The following TMEM163 variants were observed in gnomAD, a reference collection of about 807,000 sequenced individuals.
TMEM163 encodes transmembrane protein 163.
Under a neutral mutation model 29.3 loss-of-function variants are expected in TMEM163, and 17 were observed. The ratio of observed to expected loss-of-function variants is 0.58; its 90% CI spans 0.40 to 0.87. The LOEUF (loss-of-function observed/expected upper bound fraction) is 0.87, where lower values mean the gene tolerates loss of function less well. Among genes scored for constraint, TMEM163 ranks in the 40% least tolerant of loss-of-function variants. The pLI is 0.00. For missense variants in TMEM163, 303 were observed against 381.5 expected, an observed-to-expected ratio of 0.79 and a Z score of 1.71; for synonymous variants, 157 against 160.6, an observed-to-expected ratio of 0.98 and a Z score of 0.17.
At chr2:134,525,624 G>A (rs962775209) in intron 4 of TMEM163, among the ~76,000 whole-genome samples, 1 of 152,176 alleles carries the variant, frequency 6.6e-6, no homozygotes, top group Non-Finnish European at 1.5e-5. Flanking sequence ...GGGCTAAGGG[G>A]ACAAGTTTAC....
At chr2:134,584,658 C>CAA (rs1306577369) in intron 2 of TMEM163, among the ~76,000 whole-genome samples, 1 of 142,350 alleles carries the variant, frequency 7.0e-6, no homozygotes, top group Non-Finnish European at 1.5e-5. Context: ...AAAAAAAGTA[C>CAA]AAAGGCATGT....
intron 4 of TMEM163, among the ~76,000 whole-genome samples, chr2:134,521,692 G>A (rs1034496891): frequency 1.3e-5 from 2 of 152,192 alleles, no homozygotes; most frequent in Non-Finnish European, 2.9e-5. Context: ...GGCTTGTGAA[G>A]GAGCAATGGT....
At chr2:134,669,447 T>G (rs1195392060) in intron 2 of TMEM163, among the ~76,000 whole-genome samples, 1 of 152,220 alleles carries the variant, frequency 6.6e-6, no homozygotes, top group Admixed American at 6.5e-5. Flanking sequence ...CTAGTACAGA[T>G]TCTCTAACAC....
At chr2:134,707,135 C>T (rs1245549058) in intron 2 of TMEM163, among the ~76,000 whole-genome samples, 1 of 152,228 alleles carries the variant, frequency 6.6e-6, no homozygotes, top group East Asian at 1.9e-4. Context: ...GCCCCTGCAC[C>T]ATTGCCTGCT....
chr2:134,696,000 G>A (rs528575464), intron 2 of TMEM163, among the ~76,000 whole-genome samples: 21 of 149,660 alleles, frequency 1.4e-4, no homozygotes, highest in Non-Finnish European at 2.7e-4. Context: ...GCAGCAAGTC[G>A]AGATCATGCC....
At chr2:134,492,919 C>A (rs977297232) in intron 5 of TMEM163, among the ~76,000 whole-genome samples, 2 of 152,096 alleles carry the variant, frequency 1.3e-5, no homozygotes, top group Non-Finnish European at 2.9e-5. Context: ...TTAAGGAAAC[C>A]CTGGATTGTT....
intron 2 of TMEM163, among the ~76,000 whole-genome samples, chr2:134,604,326 A>G (rs1165747512): frequency 1.3e-5 from 2 of 152,194 alleles, no homozygotes; most frequent in African/African-American, 4.8e-5. Flanking sequence ...GGAATAGAGC[A>G]GGGAAAGACA....
rs761033269 is a variant in TMEM163, at chr2:134,490,803, G to A, written c.555+12098C>T. Among the ~76,000 whole-genome samples the A allele has an allele frequency of 5.9e-5, 9 of 152,180 alleles. No individual in the cohort carries two copies. In the South Asian group the frequency reaches 6.2e-4, roughly 11 times the overall value. On this transcript the variant is annotated intron_variant, in intron 5 of 7. Coordinates refer to ENST00000281924, the MANE Select transcript of TMEM163 (RefSeq NM_030923.5). ...CTCATGACCGCTAGAGCTCACAGAC[G>A]CCGCTTTGCTGTGCTAGGGTGTATT...
At position 134,507,005 on chromosome 2, in the gene TMEM163, T is replaced by C. The variant is rs538675314; in HGVS notation, c.459-4008A>G. Reference sequence around the variant, plus strand: ...GAAAGAGGCAAGGGAGATGTACCCCTTCAGCATAATCCCCCAGTCAACCCA... The same window carrying C: ...GAAAGAGGCAAGGGAGATGTACCCCCTCAGCATAATCCCCCAGTCAACCCA... On this transcript the variant is annotated intron_variant, in intron 4 of 7. Transcript: ENST00000281924. Among the ~76,000 whole-genome samples the C allele has an allele frequency of 2.6e-5, 4 of 152,244 alleles. No homozygotes were observed. In the South Asian group the frequency reaches 8.3e-4, roughly 32 times the overall value.
At chr2:134,687,551 T>G (rs143549181) in intron 2 of TMEM163, among the ~76,000 whole-genome samples, 54 of 152,336 alleles carry the variant, frequency 3.5e-4, no homozygotes, top group African/African-American at 1.2e-3. Context: ...CTAAAAGTGA[T>G]GCAGTGTGGC....
chr2:134,632,570 T>C (rs1013465944), intron 2 of TMEM163, among the ~76,000 whole-genome samples: 3 of 152,190 alleles, frequency 2.0e-5, no homozygotes, highest in Admixed American at 2.0e-4. Context: ...GTACAGCAGA[T>C]GTGGTGTCTG....
At chr2:134,612,559 A>ACACACG (rs978789435) in intron 2 of TMEM163, among the ~76,000 whole-genome samples, 1 of 151,674 alleles carries the variant, frequency 6.6e-6, no homozygotes, top group Admixed American at 6.6e-5. Flanking sequence ...ACACACACAC[A>ACACACG]CACACACACA....
chr2:134,611,334 T>A (rs777241462), intron 2 of TMEM163, among the ~76,000 whole-genome samples: 1 of 152,080 alleles, frequency 6.6e-6, no homozygotes, highest in Non-Finnish European at 1.5e-5. Context: ...GGAAATATAG[T>A]CCCTACCCTT....
chr2:134,595,804 C>T (rs1037235759), intron 2 of TMEM163, among the ~76,000 whole-genome samples: 3 of 152,182 alleles, frequency 2.0e-5, no homozygotes, highest in Non-Finnish European at 4.4e-5. Flanking sequence ...TAATGACTGC[C>T]ATTCTAACTG....
intron 4 of TMEM163, among the ~76,000 whole-genome samples, chr2:134,548,401 A>G (rs1295869868): frequency 6.6e-6 from 1 of 152,240 alleles, no homozygotes; most frequent in Non-Finnish European, 1.5e-5. Context: ...GTGCTAAAAT[A>G]TTGCATTAGT....
At chr2:134,675,737 G>C (rs576737881) in intron 2 of TMEM163, among the ~76,000 whole-genome samples, 1 of 152,306 alleles carries the variant, frequency 6.6e-6, no homozygotes, top group South Asian at 2.1e-4. Context: ...GCAGCCTCCA[G>C]TGAAACAGCA....
At chr2:134,517,279 G>A (rs925471293) in intron 4 of TMEM163, among the ~76,000 whole-genome samples, 2 of 152,210 alleles carry the variant, frequency 1.3e-5, no homozygotes, top group Non-Finnish European at 1.5e-5. Flanking sequence ...TGGACTTCTC[G>A]CATGCTTTTC....
chr2:134,582,018 CTG>C (rs1574255337), intron 2 of TMEM163, among the ~76,000 whole-genome samples: 1 of 152,208 alleles, frequency 6.6e-6, no homozygotes, highest in Non-Finnish European at 1.5e-5. Flanking sequence ...GCAACCAGCA[CTG>C]CTTGGGTTCA....
chr2:134,717,684 C>G (rs1361714866), intron 1 of TMEM163, among the ~76,000 whole-genome samples: 11 of 152,180 alleles, frequency 7.2e-5, no homozygotes, highest in Admixed American at 2.0e-4. Flanking sequence ...AGCCGGCTTC[C>G]CCTAAAGGGC....
Sources: allele counts gnomAD v4.1 joint callset (sites outside exome capture counted in the v4.1 genomes callset), GRCh38; gene constraint gnomAD v4.1.1; transcripts MANE v1.5; gene names NCBI Gene and HGNC (gene_info 2026-07-23, HGNC 2026-07-21).